PKN2: variants seen among roughly 807,000 people sequenced by gnomAD.
PKN2 encodes serine/threonine-protein kinase N2.
PKN2 carries 38 observed loss-of-function variants against 119.1 expected under a neutral mutation model. That is an observed-to-expected ratio of 0.32 (90% CI 0.25 to 0.42). The LOEUF is 0.42. PKN2 is among the 10% of genes least tolerant of loss of function. The pLI, the probability that PKN2 is intolerant of heterozygous loss-of-function variation, is 1.00. For synonymous variants in PKN2, 390 were observed against 384.9 expected (o/e 1.01, Z -0.15); for missense variants, 850 against 1,165.1 (o/e 0.73, Z 3.94).
Position 88,806,236 on chromosome 1 carries a change from C to T in PKN2, c.1803+219C>T, listed in dbSNP as rs1183626327. 62 of 474,828 alleles carry T rather than the reference C, an allele frequency of 1.3e-4. 2 individuals are homozygous for T. The highest frequency in any genetic ancestry group is 1.3e-3 in the South Asian group (54 of 42,442). 29.4% of individuals were successfully genotyped at this position (474,828 alleles called of 1,614,324 possible). On this transcript the variant is annotated intron_variant, in intron 12 of 21. Transcript: ENST00000370521. ...ATGGCATGATCTCGGCTCACTGCAA[C>T]CTCCGCCTCCCGGATTCAAGCGATT...
chr1:88,778,128 G>A (rs1389580116), intron 6 of PKN2, among the ~76,000 whole-genome samples: 1 of 152,160 alleles, frequency 6.6e-6, no homozygotes, highest in Non-Finnish European at 1.5e-5. Context: ...TACATGTATT[G>A]ATAGATGGCT....
chr1:88,760,329 CA>C lies in PKN2; in HGVS notation c.459del (p.Gly154ValfsTer5). ...KQLDIELKVK[Q>X]GAENMIQMYS... The stretch of plus-strand genomic sequence containing the variant: ...ATTGGATATAGAACTTAAAGTAAAA[CA>C]AGGTGCAGAGAATATGATACAGATG... On this transcript the variant is annotated frameshift_variant, in exon 3 of 22. Coordinates refer to ENST00000370521, the MANE Select transcript of PKN2 (RefSeq NM_006256.4). LOFTEE classifies it high-confidence loss of function. 1 of 1,572,292 alleles carries C rather than the reference CA, an allele frequency of 6.4e-7. No individual in the cohort carries two copies. The highest frequency in any genetic ancestry group is 1.1e-5 in the South Asian group (1 of 89,456).
chr1:88,753,390 ACT>A (rs1669077906), intron 2 of PKN2, among the ~76,000 whole-genome samples: 1 of 151,468 alleles, frequency 6.6e-6, no homozygotes, highest in African/African-American at 2.4e-5. Flanking sequence ...TCTGTGAAAA[ACT>A]CTTTCATCTT....
At chr1:88,778,858 C>T (rs1385400492) in intron 6 of PKN2, among the ~76,000 whole-genome samples, 4 of 152,102 alleles carry the variant, frequency 2.6e-5, no homozygotes, top group Non-Finnish European at 5.9e-5. Flanking sequence ...GGACTACAGG[C>T]GCCCAACACC....
Position 88,744,088 on chromosome 1 carries a change from A to G in PKN2, c.349+2800A>G, listed in dbSNP as rs1668676633. ...TTTTTTCCATTTTACTAACTTAACA[A>G]TCTAAAAGCAACAACCACAACATAG... On this transcript the variant is annotated intron_variant, in intron 2 of 21. Transcript: ENST00000370521. Among the ~76,000 whole-genome samples, 4 of 149,634 alleles carry G rather than the reference A, an allele frequency of 2.7e-5. No homozygotes were observed. In the South Asian group the frequency reaches 8.3e-4, roughly 31 times the overall value.
At chr1:88,736,033 T>A (rs1050038697) in intron 1 of PKN2, among the ~76,000 whole-genome samples, 3 of 152,192 alleles carry the variant, frequency 2.0e-5, no homozygotes, top group East Asian at 1.9e-4. Flanking sequence ...ACCCTTTTTT[T>A]AATTGTTTCT....
At chr1:88,684,727 C>A (rs1666003607) in intron 1 of PKN2, 99 bp downstream of exon 1, 1 of 1,045,940 alleles carries the variant, frequency 9.6e-7, no homozygotes, top group Non-Finnish European at 1.3e-6. Context: ...GCCGCCGCGC[C>A]CCTAGCCCGC....
chr1:88,820,220 ATATATATATAT>A (rs1557634946), intron 16 of PKN2, among the ~76,000 whole-genome samples: 6 of 113,272 alleles, frequency 5.3e-5, no homozygotes, highest in African/African-American at 2.5e-4. Context: ...ATATATATAT[ATATATATATAT>A]ATAAATAGAA....
intron 2 of PKN2, among the ~76,000 whole-genome samples, chr1:88,754,479 A>G (rs1246104441): frequency 6.6e-6 from 1 of 152,232 alleles, no homozygotes; most frequent in African/African-American, 2.4e-5. Flanking sequence ...AAGACATGTT[A>G]GACTAGAGAA....
chr1:88,825,199 T>C (rs1463642277), intron 18 of PKN2, among the ~76,000 whole-genome samples: 1 of 152,212 alleles, frequency 6.6e-6, no homozygotes, highest in African/African-American at 2.4e-5. Flanking sequence ...CTGACCTAAT[T>C]GCTGAATCAA....
chr1:88,781,413 TAGTGAA>T (rs1670339622), intron 6 of PKN2, among the ~76,000 whole-genome samples: 2 of 152,018 alleles, frequency 1.3e-5, no homozygotes, highest in African/African-American at 4.8e-5. Context: ...AATACTGAAT[TAGTGAA>T]ATAGGTATAA....
At chr1:88,810,014 A>C (rs1671715806) in intron 15 of PKN2, among the ~76,000 whole-genome samples, 1 of 152,180 alleles carries the variant, frequency 6.6e-6, no homozygotes, top group Non-Finnish European at 1.5e-5. Flanking sequence ...GAAATAAAAC[A>C]CACTTTTAGA....
intron 3 of PKN2, among the ~76,000 whole-genome samples, chr1:88,769,511 A>G (rs1669799844): frequency 6.6e-6 from 1 of 152,228 alleles, no homozygotes; most frequent in South Asian, 2.1e-4. Context: ...ACAAATGTGA[A>G]TTTGGATTTT....
intron 1 of PKN2, among the ~76,000 whole-genome samples, chr1:88,699,106 C>T (rs1276505286): frequency 6.6e-6 from 1 of 151,546 alleles, no homozygotes; most frequent in Admixed American, 6.6e-5. Context: ...CTTTCTTTTT[C>T]TCCCTGACCC....
intron 1 of PKN2, among the ~76,000 whole-genome samples, chr1:88,694,856 T>A (rs183770729): frequency 9.2e-5 from 14 of 152,312 alleles, no homozygotes; most frequent in Admixed American, 7.2e-4. Context: ...TTTTTGAATA[T>A]GGAGATAGGT....
chr1:88,734,483 C>T (rs1226496063), intron 1 of PKN2, among the ~76,000 whole-genome samples: 4 of 152,150 alleles, frequency 2.6e-5, no homozygotes, highest in East Asian at 3.9e-4. Context: ...TACTTGGCCC[C>T]TTTGTCAAGA....
At chr1:88,741,397 G>A (rs1355039297) in intron 2 of PKN2, 109 bp downstream of exon 2, 8 of 666,960 alleles carry the variant, frequency 1.2e-5, no homozygotes, top group Non-Finnish European at 1.8e-5. Flanking sequence ...TTTTCTGAAA[G>A]TAGAGAGACT....
intron 15 of PKN2, among the ~76,000 whole-genome samples, chr1:88,808,321 T>C (rs1671642933): frequency 1.3e-5 from 2 of 152,146 alleles, no homozygotes; most frequent in Admixed American, 1.3e-4. Flanking sequence ...ATTTATTTAT[T>C]TTTTGAGACA....
chr1:88,757,662 T>TC (rs111895716), intron 2 of PKN2, among the ~76,000 whole-genome samples: 16,966 of 152,136 alleles, frequency 0.11, 1,960 homozygotes, highest in African/African-American at 0.3. Flanking sequence ...ACCCTAGTCT[T>TC]TAGCTTTTAT....
Sources: allele counts gnomAD v4.1 joint callset (sites outside exome capture counted in the v4.1 genomes callset), GRCh38; gene constraint gnomAD v4.1.1; transcripts MANE v1.5; gene names NCBI Gene and HGNC (gene_info 2026-07-23, HGNC 2026-07-21).